ADGRG6: variants seen among roughly 807,000 people sequenced by gnomAD.
ADGRG6 encodes G-protein coupled receptor 126.
ADGRG6 carries 84 observed loss-of-function variants against 142.4 expected under a neutral mutation model. The ratio of observed to expected loss-of-function variants is 0.59; its 90% CI spans 0.49 to 0.71. The LOEUF (loss-of-function observed/expected upper bound fraction) is 0.71. ADGRG6 is among the 30% of genes least tolerant of loss of function. The probability of loss-of-function intolerance (pLI) is 0.00; values close to 1 mark genes in which losing one functional copy is unlikely to be tolerated. For synonymous variants in ADGRG6, 521 were observed against 520.5 expected, an observed-to-expected ratio of 1.00 and a Z score of -0.01; for missense variants, 1,367 against 1,466.6, an observed-to-expected ratio of 0.93 and a Z score of 1.11.
chr6:142,440,655 TG>T (rs1034689322), intron 24 of ADGRG6, among the ~76,000 whole-genome samples: 3 of 152,134 alleles, frequency 2.0e-5, no homozygotes, highest in African/African-American at 7.2e-5. Flanking sequence ...AAAAAACCCT[TG>T]GGGCTAAATG....
At position 142,435,994 on chromosome 6, in the gene ADGRG6, T is replaced by C. The variant is rs77122091; in HGVS notation, c.3320-1440T>C. ...ACATTGAGAATTAAAGGGATGTGTGTGTGTTTGAGGGTCATGATCGCAAGG... is the reference window on the plus strand; with the variant it reads ...ACATTGAGAATTAAAGGGATGTGTGCGTGTTTGAGGGTCATGATCGCAAGG... On this transcript the variant is annotated intron_variant, in intron 22 of 24. Transcript: ENST00000367609. 9.5e-3 allele frequency among the ~76,000 whole-genome samples: 1,442 copies of C among 151,986 alleles called. 20 individuals carry two copies. Among genetic ancestry groups the C allele is most frequent in the African/African-American group, 0.033 (1,373 of 41,462 alleles).
At chr6:142,365,123 G>A (rs1351475041) in intron 2 of ADGRG6, among the ~76,000 whole-genome samples, 1 of 151,894 alleles carries the variant, frequency 6.6e-6, no homozygotes, top group Non-Finnish European at 1.5e-5. Flanking sequence ...TAATTTCCTA[G>A]GATTACTTCT....
intron 2 of ADGRG6, among the ~76,000 whole-genome samples, chr6:142,333,449 G>A (rs561224149): frequency 2.6e-5 from 4 of 152,316 alleles, no homozygotes; most frequent in South Asian, 2.1e-4. Context: ...ATATTAATGT[G>A]TGGTGTAGTG....
intron 2 of ADGRG6, among the ~76,000 whole-genome samples, chr6:142,345,999 A>G (rs1318736389): frequency 1.3e-5 from 2 of 152,128 alleles, no homozygotes; most frequent in Non-Finnish European, 2.9e-5. Context: ...TCCCTTCCTT[A>G]TGTTCACTTT....
intron 15 of ADGRG6, among the ~76,000 whole-genome samples, chr6:142,407,184 A>AAG (rs930833957): frequency 2.6e-5 from 4 of 151,174 alleles, no homozygotes; most frequent in Non-Finnish European, 2.9e-5. Context: ...AAAAAAAAAA[A>AAG]AAAAAAGGAA....
chr6:142,415,753 T>C (rs1240408449), intron 19 of ADGRG6, 43 bp from the exon 20 acceptor site: 3 of 1,399,344 alleles, frequency 2.1e-6, no homozygotes, highest in East Asian at 4.6e-5. Context: ...AAGATTGATA[T>C]ACAGTATTAG....
chr6:142,410,581 G>A (rs1776030820), intron 17 of ADGRG6, among the ~76,000 whole-genome samples: 1 of 151,958 alleles, frequency 6.6e-6, no homozygotes, highest in Non-Finnish European at 1.5e-5. Flanking sequence ...TGATATAAAG[G>A]CAGGGTACTT....
At chr6:142,416,975 T>C in intron 20 of ADGRG6, 2 of 409,828 alleles carry the variant, frequency 4.9e-6, no homozygotes, top group South Asian at 4.4e-5. Flanking sequence ...CTAGATTTGA[T>C]ACAAATCAGG....
intron 9 of ADGRG6, among the ~76,000 whole-genome samples, chr6:142,394,571 T>A (rs1775072820): frequency 6.6e-6 from 1 of 150,798 alleles, no homozygotes; most frequent in Admixed American, 6.6e-5. Context: ...ATGTATTGCA[T>A]CTCTGTAGAT....
chr6:142,438,201 T>G lies in ADGRG6; in HGVS notation c.3422-11T>G, dbSNP rs777993086. 9.6e-6 allele frequency: 15 copies of G among 1,564,838 alleles called. No individual in the cohort carries two copies. In the African/African-American group the frequency reaches 2.1e-4, roughly 22 times the overall value. On this transcript the variant is annotated splice_polypyrimidine_tract_variant and intron_variant, in intron 23 of 24. Transcript: ENST00000367609. ...AGCAGATTGATAGGGTGATGTCATT[T>G]TTTTTTTCAGATTGGAGTAAGACAG...
intron 2 of ADGRG6, among the ~76,000 whole-genome samples, chr6:142,334,124 A>G (rs1032471245): frequency 6.6e-6 from 1 of 152,216 alleles, no homozygotes; most frequent in Non-Finnish European, 1.5e-5. Context: ...GTTTACCCCA[A>G]GATATGAATG....
intron 4 of ADGRG6, among the ~76,000 whole-genome samples, chr6:142,380,044 A>C (rs1781689794): frequency 6.6e-6 from 1 of 152,168 alleles, no homozygotes; most frequent in Non-Finnish European, 1.5e-5. Flanking sequence ...GAGGGCTTCC[A>C]GGTCATAGGT....
intron 2 of ADGRG6, among the ~76,000 whole-genome samples, chr6:142,313,734 T>G (rs963924687): frequency 2.0e-5 from 3 of 152,186 alleles, no homozygotes; most frequent in Non-Finnish European, 4.4e-5. Flanking sequence ...GAACAGTTAT[T>G]TAGTAGTATG....
chr6:142,415,763 G>C, intron 19 of ADGRG6, 33 bp from the exon 20 acceptor site: 1 of 1,519,298 alleles, frequency 6.6e-7, no homozygotes, highest in South Asian at 1.1e-5. Flanking sequence ...TACAGTATTA[G>C]TTCTCTCATA....
At chr6:142,393,770 G>A (rs1000428343) in intron 8 of ADGRG6, 126 bp from the exon 9 acceptor site, 2 of 652,336 alleles carry the variant, frequency 3.1e-6, no homozygotes, top group African/African-American at 3.6e-5. Flanking sequence ...TAGAACCTCA[G>A]GACACACATT....
intron 6 of ADGRG6, among the ~76,000 whole-genome samples, chr6:142,387,830 C>G (rs1782106348): frequency 6.6e-6 from 1 of 152,134 alleles, no homozygotes; most frequent in African/African-American, 2.4e-5. Flanking sequence ...GTTCTACATG[C>G]TGAAAGAAGT....
intron 2 of ADGRG6, among the ~76,000 whole-genome samples, chr6:142,334,812 G>T (rs1012365929): frequency 1.3e-5 from 2 of 152,078 alleles, no homozygotes; most frequent in Admixed American, 1.3e-4. Context: ...TAAACAGAGG[G>T]CAGTACTTAG....
rs371199895 is a variant in ADGRG6, at chr6:142,314,372, T to G, written c.103+4728T>G. ...AAGAGGGAGATGTCAGGTGTCCTAC[T>G]TTTTATTGGTGAGATCACGCTTGTC... is the stretch of plus-strand genomic sequence containing the variant. On this transcript the variant is annotated intron_variant, in intron 2 of 24. Coordinates refer to ENST00000367609, the MANE Select transcript of ADGRG6 (RefSeq NM_198569.3). Among the ~76,000 whole-genome samples, 12 of 152,298 alleles carry G rather than the reference T, an allele frequency of 7.9e-5. No individual in the cohort carries two copies. In the East Asian group the frequency reaches 2.3e-3, roughly 29 times the overall value.
rs181742411 is a variant in ADGRG6, at chr6:142,397,783, C to A, written c.1567+28C>A. 7.1e-6 allele frequency: 10 copies of A among 1,412,854 alleles called. No homozygotes were observed. In the Admixed American group the frequency reaches 1.6e-4, roughly 22 times the overall value. 87.5% of individuals were successfully genotyped at this position (1,412,854 alleles called of 1,614,324 possible). ...AAGTGACTAATTTTTTTATAATATG[C>A]ATTTTATACAACTGTATATTCAGGT... On this transcript the variant is annotated intron_variant, in intron 10 of 24. Coordinates refer to ENST00000367609, the MANE Select transcript of ADGRG6 (RefSeq NM_198569.3).
Sources: gnomAD v4.1 joint callset for allele counts (sites outside exome capture counted in the v4.1 genomes callset) on GRCh38, gnomAD v4.1.1 for gene constraint, MANE v1.5 for transcripts, NCBI Gene and HGNC (gene_info 2026-07-23, HGNC 2026-07-21) for gene names.